Variants in KCNH7 observed in about 807,000 individuals in gnomAD.
KCNH7 encodes voltage-gated inwardly rectifying potassium channel KCNH7.
KCNH7 carries 49 observed loss-of-function variants against 120.8 expected under a neutral mutation model. That is an observed-to-expected ratio of 0.41 (90% confidence interval 0.32 to 0.51). KCNH7 has a LOEUF of 0.51. Ranked by LOEUF, KCNH7 falls within the 20% of genes least tolerant of loss-of-function variation. KCNH7 has a pLI of 0.38. For missense variants in KCNH7, 1,097 were observed against 1,446.6 expected, an observed-to-expected ratio of 0.76 and a Z score of 3.92; for synonymous variants, 547 against 516.1, an observed-to-expected ratio of 1.06 and a Z score of -0.81.
intron 2 of KCNH7, among the ~76,000 whole-genome samples, chr2:162,670,307 C>A (rs1685299463): frequency 6.6e-6 from 1 of 151,494 alleles, no homozygotes; most frequent in African/African-American, 2.4e-5. Flanking sequence ...AACCCCACCT[C>A]TACTAAAAAT....
chr2:162,721,616 C>G (rs1687327364), intron 2 of KCNH7, among the ~76,000 whole-genome samples: 3 of 152,038 alleles, frequency 2.0e-5, no homozygotes, highest in African/African-American at 7.2e-5. Context: ...ATTTGGTTGC[C>G]TTAGCCATTC....
At chr2:162,473,853 A>G (rs1689647810) in intron 6 of KCNH7, among the ~76,000 whole-genome samples, 1 of 152,200 alleles carries the variant, frequency 6.6e-6, no homozygotes, top group African/African-American at 2.4e-5. Flanking sequence ...GTGTGTGTAT[A>G]AAGTCTTTCT....
rs376541522 is a variant in KCNH7 at position 162,400,432 on chromosome 2, C to A, written c.2164G>T (p.Gly722Cys). Residue 722 changes from glycine to cysteine, a missense_variant, in exon 10 of 16, where the codon GGT becomes TGT. Physicochemically the swap from Gly to Cys is radical, Grantham distance 159. This residue lies in a region of KCNH7 where 101 missense variants were observed against 176.3 expected (regional missense o/e 0.57). Transcript: ENST00000332142. ...NGIDMNMVLK[G>C]FPECLQADIC... is the part of the protein sequence containing the mutation. ...TCTGCTTGTAAGCATTCTGGGAAACCCTTTAGGACCTGAGGAAAAAAAGAA... is the reference window on the plus strand; with the variant it reads ...TCTGCTTGTAAGCATTCTGGGAAACACTTTAGGACCTGAGGAAAAAAAGAA... The A allele has an allele frequency of 6.2e-7, 1 of 1,611,502 alleles. No homozygotes were observed. Among genetic ancestry groups the A allele is most frequent in the Admixed American group, 1.7e-5 (1 of 59,764 alleles).
chr2:162,620,106 TA>T (rs549355904), intron 2 of KCNH7, among the ~76,000 whole-genome samples: 4 of 150,168 alleles, frequency 2.7e-5, no homozygotes, highest in African/African-American at 4.9e-5. Flanking sequence ...AAAAAATCTA[TA>T]AAAAAAGGAT....
In KCNH7 at chr2:162,468,512, C is replaced by CTTT. The variant is rs1166606647; in HGVS notation, c.1129-22072_1129-22070dup. Reference sequence around the variant, plus strand: ...CTTGGGCAAGGTATTTATTCTTTTCCTTTTTTTTTTTTTTTTTTTTTTTTT... The same window carrying CTTT: ...CTTGGGCAAGGTATTTATTCTTTTCCTTTTTTTTTTTTTTTTTTTTTTTTTTTT... On this transcript the variant is annotated intron_variant, in intron 6 of 15. Transcript: ENST00000332142. Among the ~76,000 whole-genome samples the CTTT allele has an allele frequency of 2.6e-3, 204 of 78,908 alleles. 44 individuals carry two copies. Among genetic ancestry groups the CTTT allele is most frequent in the African/African-American group, 0.013 (189 of 14,922 alleles). The allele number at this position is 78,908 out of a possible 152,430, so 51.8% of individuals were successfully genotyped here.
At chr2:162,836,477 T>C in intron 2 of KCNH7, 60 bp downstream of exon 2, 1 of 1,332,868 alleles carries the variant, frequency 7.5e-7, no homozygotes, top group African/African-American at 1.5e-5. Context: ...GAACTTTTAA[T>C]AGTCAAAATT....
At chr2:162,408,874 A>ATAATT (rs1687305953) in intron 9 of KCNH7, among the ~76,000 whole-genome samples, 1 of 151,930 alleles carries the variant, frequency 6.6e-6, no homozygotes, top group South Asian at 2.1e-4. Flanking sequence ...ATACTCGATG[A>ATAATT]TAATTTTGTG....
At chr2:162,828,867 A>C (rs1272579689) in intron 2 of KCNH7, among the ~76,000 whole-genome samples, 1 of 152,104 alleles carries the variant, frequency 6.6e-6, no homozygotes, top group Non-Finnish European at 1.5e-5. Context: ...AGCTGTTTTT[A>C]CCCATTTTCT....
intron 9 of KCNH7, among the ~76,000 whole-genome samples, chr2:162,401,899 A>G (rs531290870): frequency 6.6e-6 from 1 of 151,986 alleles, no homozygotes; most frequent in South Asian, 2.1e-4. Context: ...GCAATATTGA[A>G]TTTAGCCATA....
At chr2:162,610,169 T>C (rs892596435) in intron 2 of KCNH7, among the ~76,000 whole-genome samples, 4 of 152,214 alleles carry the variant, frequency 2.6e-5, no homozygotes, top group African/African-American at 7.2e-5. Context: ...CAACATCATA[T>C]TGGGGCATTG....
intron 2 of KCNH7, among the ~76,000 whole-genome samples, chr2:162,595,062 T>A (rs370915518): frequency 2.1e-4 from 32 of 152,180 alleles, no homozygotes; most frequent in African/African-American, 7.5e-4. Context: ...AGGAAAGAAG[T>A]TTTATTGACT....
intron 9 of KCNH7, among the ~76,000 whole-genome samples, chr2:162,420,181 T>C (rs761666921): frequency 2.0e-4 from 31 of 151,958 alleles, no homozygotes; most frequent in Non-Finnish European, 3.5e-4. Flanking sequence ...GCCAAGACCA[T>C]CCTGGCCAAC....
chr2:162,534,777 C>A (rs1481246726), intron 3 of KCNH7, among the ~76,000 whole-genome samples: 6 of 151,438 alleles, frequency 4.0e-5, no homozygotes, highest in Admixed American at 3.9e-4. Flanking sequence ...ATATTGATAC[C>A]AACACCTTAG....
intron 2 of KCNH7, among the ~76,000 whole-genome samples, chr2:162,597,188 T>C (rs924323140): frequency 6.6e-6 from 1 of 152,110 alleles, no homozygotes; most frequent in Non-Finnish European, 1.5e-5. Flanking sequence ...AGTCCCACTT[T>C]TGGGTGATAC....
intron 9 of KCNH7, among the ~76,000 whole-genome samples, chr2:162,409,273 AT>A (rs1339040451): frequency 6.6e-6 from 1 of 151,864 alleles, no homozygotes; most frequent in Admixed American, 6.6e-5. Context: ...TACAGAAAAT[AT>A]TATTTTATAA....
At chr2:162,422,640 A>G (rs1687743878) in intron 9 of KCNH7, among the ~76,000 whole-genome samples, 1 of 152,086 alleles carries the variant, frequency 6.6e-6, no homozygotes, top group African/African-American at 2.4e-5. Flanking sequence ...AATATTATTA[A>G]TAGTGTTGAT....
chr2:162,422,674 G>C (rs910388346), intron 9 of KCNH7, among the ~76,000 whole-genome samples: 3 of 152,048 alleles, frequency 2.0e-5, no homozygotes, highest in African/African-American at 7.2e-5. Context: ...TACAGGAAGG[G>C]AGGTTATGAC....
chr2:162,396,705 A>G, intron 11 of KCNH7, 35 bp downstream of exon 11: 1 of 1,432,428 alleles, frequency 7.0e-7, no homozygotes, highest in Non-Finnish European at 9.7e-7. Context: ...ATAAAATGTC[A>G]GAAATACAGA....
intron 2 of KCNH7, among the ~76,000 whole-genome samples, chr2:162,825,765 T>A (rs1483397932): frequency 6.6e-6 from 1 of 152,028 alleles, no homozygotes; most frequent in Non-Finnish European, 1.5e-5. Flanking sequence ...ATTAAAAAAA[T>A]ATGCATGTTC....
Sources: gnomAD v4.1 joint callset for allele counts (sites outside exome capture counted in the v4.1 genomes callset) on GRCh38, gnomAD v4.1.1 for gene constraint, gnomAD v4.1.1 regional missense constraint, MANE v1.5 for transcripts, NCBI Gene and HGNC (gene_info 2026-07-23, HGNC 2026-07-21) for gene names.